CHST15: variants seen among roughly 807,000 people sequenced by gnomAD.
CHST15 encodes carbohydrate sulfotransferase 15, also known as B cell RAG associated protein (GALNAC4S-6ST).
A neutral mutation model predicts 53.6 loss-of-function variants in CHST15; 30 were observed. The ratio of observed to expected loss-of-function variants is 0.56; its 90% CI spans 0.42 to 0.76. The LOEUF (loss-of-function observed/expected upper bound fraction) is 0.76. Ranked by LOEUF, CHST15 falls within the 30% of genes least tolerant of loss-of-function variation. The pLI, the probability that CHST15 is intolerant of heterozygous loss-of-function variation, is 0.00. For synonymous variants in CHST15, 296 were observed against 289.8 expected (o/e 1.02, Z -0.22); for missense variants, 627 against 740.5 (o/e 0.85, Z 1.78).
At chr10:124,091,444 C>T (rs920291741) in intron 1 of CHST15, among the ~76,000 whole-genome samples, 1 of 152,154 alleles carries the variant, frequency 6.6e-6, no homozygotes, top group Non-Finnish European at 1.5e-5. Flanking sequence ...TACTTCAGGG[C>T]CCCTCGGGGG....
At chr10:124,054,671 G>C (rs1236603724) in intron 1 of CHST15, among the ~76,000 whole-genome samples, 1 of 152,166 alleles carries the variant, frequency 6.6e-6, no homozygotes, top group African/African-American at 2.4e-5. Context: ...ACTGCTCTAT[G>C]ATCTCAGGCA....
chr10:124,023,815 C>G (rs1244171341), intron 5 of CHST15, among the ~76,000 whole-genome samples: 2 of 151,922 alleles, frequency 1.3e-5, no homozygotes. Flanking sequence ...ACCCATGCAT[C>G]CAGGTATCTG....
Position 124,011,795 on chromosome 10 carries a change from C to T in CHST15, c.1495+538G>A, listed in dbSNP as rs372353862. 296 of 985,456 alleles carry T rather than the reference C, an allele frequency of 3.0e-4. 7 individuals are homozygous for T. In the South Asian group the frequency reaches 0.011, roughly 36 times the overall value. The allele number at this position is 985,456 out of a possible 1,614,324, so 61.0% of individuals were successfully genotyped here. The stretch of plus-strand genomic sequence containing the variant: ...GATCAGCAGCCAAAACTCAGCCACA[C>T]GGCTCTGACTCCTGGAATTTCCAAG... On this transcript the variant is annotated intron_variant, in intron 7 of 7. Coordinates refer to ENST00000435907, the MANE Select transcript of CHST15 (RefSeq NM_001270764.2).
chr10:124,040,450 G>A lies in CHST15; in HGVS notation c.1034-1779C>T, dbSNP rs1012031695. Among the ~76,000 whole-genome samples, 8 of 152,278 alleles carry A rather than the reference G, an allele frequency of 5.3e-5. No individual in the cohort carries two copies. The East Asian group carries it at 1.3e-3, about 26-fold the overall frequency. The stretch of plus-strand genomic sequence containing the variant: ...AGACTTTCAACATGTCTAAAGCTCC[G>A]GCCTCAAGTTCAGCCATCACGTTCA... On this transcript the variant is annotated intron_variant, in intron 4 of 7. Transcript: ENST00000435907.
chr10:124,047,867 T>C (rs1162674897), intron 1 of CHST15, among the ~76,000 whole-genome samples: 2 of 152,216 alleles, frequency 1.3e-5, no homozygotes. Context: ...AGAGATCCTA[T>C]ACCACATGAT....
intron 1 of CHST15, among the ~76,000 whole-genome samples, chr10:124,049,810 C>T (rs947336040): frequency 6.6e-6 from 1 of 152,194 alleles, no homozygotes; most frequent in Non-Finnish European, 1.5e-5. Context: ...TTGTGGGACA[C>T]TCTTGCCTTT....
At position 124,047,215 on chromosome 10, in the gene CHST15, C is replaced by T. The variant is rs554537901; in HGVS notation, c.-512-491G>A. ...CAGAGAAAATGTGTTTTTTCCCTCT[C>T]ACTGGCATCAGCAGTCTCTTTCTTA... On this transcript the variant is annotated intron_variant, in intron 1 of 7. Transcript: ENST00000435907. Among the ~76,000 whole-genome samples, 4 of 152,294 alleles carry T rather than the reference C, an allele frequency of 2.6e-5. No individual in the cohort carries two copies. In the South Asian group the frequency reaches 8.3e-4, roughly 32 times the overall value.
intron 1 of CHST15, among the ~76,000 whole-genome samples, chr10:124,083,934 G>A (rs986649799): frequency 2.0e-5 from 3 of 152,190 alleles, no homozygotes; most frequent in African/African-American, 7.2e-5. Flanking sequence ...GTAAGCCTCC[G>A]CAGTTCAACA....
chr10:124,014,835 C>T (rs1590177523), intron 6 of CHST15, among the ~76,000 whole-genome samples: 1 of 152,224 alleles, frequency 6.6e-6, no homozygotes, highest in Non-Finnish European at 1.5e-5. Context: ...ACAGATAGTT[C>T]TCTGAAACCT....
rs750681384 is a variant in CHST15, at chr10:124,044,692, G to A, written c.774C>T (p.Ile258=). Residue 258 remains isoleucine, a synonymous_variant, in exon 3 of 8, where the codon ATC becomes ATT. Coordinates refer to ENST00000435907, the MANE Select transcript of CHST15 (RefSeq NM_001270764.2). ...FRLRCLPHFY[I]IGQPKCGTTD... ...TGGTCCCGCACTTGGGCTGCCCTAT[G>A]ATGTAGAAGTGCGGCAGGCAGCGCA... is the stretch of plus-strand genomic sequence containing the variant. The A allele has an allele frequency of 1.2e-6, 2 of 1,613,830 alleles. No homozygotes were observed. The highest frequency in any genetic ancestry group is 2.7e-5 in the African/African-American group (2 of 74,922).
intron 5 of CHST15, among the ~76,000 whole-genome samples, chr10:124,031,244 G>A (rs902039701): frequency 1.3e-5 from 2 of 152,216 alleles, no homozygotes; most frequent in African/African-American, 4.8e-5. Flanking sequence ...GAGAGCAAAC[G>A]GGATGGATTT....
At chr10:124,041,878 T>C (rs1441934829) in intron 4 of CHST15, among the ~76,000 whole-genome samples, 1 of 152,230 alleles carries the variant, frequency 6.6e-6, no homozygotes, top group African/African-American at 2.4e-5. Context: ...CTCCGTCTTA[T>C]ATGGTCCCAG....
intron 1 of CHST15, among the ~76,000 whole-genome samples, chr10:124,070,784 G>C (rs561772553): frequency 2.4e-4 from 37 of 152,264 alleles, no homozygotes; most frequent in African/African-American, 8.4e-4. Context: ...GCAGGCTGGT[G>C]GGGAGGCTTC....
At chr10:124,027,000 T>C (rs1947035873) in intron 5 of CHST15, among the ~76,000 whole-genome samples, 1 of 152,246 alleles carries the variant, frequency 6.6e-6, no homozygotes, top group African/African-American at 2.4e-5. Context: ...CTCCCAGCCC[T>C]GAGTTTCAGG....
intron 2 of CHST15, among the ~76,000 whole-genome samples, chr10:124,045,129 A>AAAAAAAAAC (rs1947935928): frequency 2.7e-5 from 4 of 148,182 alleles, no homozygotes; most frequent in African/African-American, 1.0e-4. Context: ...AAAAAAAAAA[A>AAAAAAAAAC]AAAAAAAAAA....
At chr10:124,040,373 G>A (rs567247534) in intron 4 of CHST15, among the ~76,000 whole-genome samples, 1 of 152,268 alleles carries the variant, frequency 6.6e-6, no homozygotes, top group Admixed American at 6.5e-5. Flanking sequence ...GGGGACGATG[G>A]CAATTCAAGA....
intron 1 of CHST15, among the ~76,000 whole-genome samples, chr10:124,061,559 A>G (rs1365709796): frequency 6.6e-6 from 1 of 152,086 alleles, no homozygotes; most frequent in Admixed American, 6.5e-5. Context: ...ACAGTTTCCC[A>G]TTGTTGATTG....
chr10:124,075,547 C>A (rs568383701), intron 1 of CHST15, among the ~76,000 whole-genome samples: 17 of 152,100 alleles, frequency 1.1e-4, no homozygotes, highest in African/African-American at 4.1e-4. Flanking sequence ...AGTCTCTCCC[C>A]CAAGACGCTG....
chr10:124,057,499 C>T (rs1439939683), intron 1 of CHST15, among the ~76,000 whole-genome samples: 1 of 152,162 alleles, frequency 6.6e-6, no homozygotes, highest in African/African-American at 2.4e-5. Context: ...TCGTACAGGC[C>T]TGGGCTGCAG....
Sources: allele counts gnomAD v4.1 joint callset (sites outside exome capture counted in the v4.1 genomes callset), GRCh38; gene constraint gnomAD v4.1.1; transcripts MANE v1.5; gene names NCBI Gene and HGNC (gene_info 2026-07-23, HGNC 2026-07-21).